Variants in RIT2 observed in about 807,000 individuals in gnomAD.
RIT2 encodes the protein Ras like without CAAX 2, also known as GTP-binding protein Rit2.
Under a neutral mutation model 23.7 loss-of-function variants are expected in RIT2, and 24 were observed. The ratio of observed to expected loss-of-function variants is 1.01; its 90% CI spans 0.73 to 1.43. RIT2 has a LOEUF of 1.43. RIT2 is among the 40% of genes most tolerant of loss of function. The pLI is 0.00. For synonymous variants in RIT2, 107 were observed against 91.1 expected (o/e 1.17, Z -0.99); for missense variants, 236 against 266.9 (o/e 0.88, Z 0.81).
At chr18:42,798,927 G>C (rs1481378143) in intron 4 of RIT2, among the ~76,000 whole-genome samples, 1 of 152,172 alleles carries the variant, frequency 6.6e-6, no homozygotes, top group African/African-American at 2.4e-5. Flanking sequence ...AATCATTCTG[G>C]AGGTTTTTCA....
chr18:42,980,519 T>A (rs1479299864), intron 2 of RIT2, among the ~76,000 whole-genome samples: 2 of 152,240 alleles, frequency 1.3e-5, no homozygotes, highest in East Asian at 1.9e-4. Context: ...CCAATCAGTA[T>A]CTCTCTGATA....
intron 1 of RIT2, among the ~76,000 whole-genome samples, chr18:43,112,983 C>T (rs1279286924): frequency 6.6e-6 from 1 of 152,064 alleles, no homozygotes. Context: ...CCTTCATATA[C>T]CTCTGTTGAT....
At chr18:42,809,826 T>C (rs986220680) in intron 4 of RIT2, among the ~76,000 whole-genome samples, 13 of 132,980 alleles carry the variant, frequency 9.8e-5, no homozygotes, top group South Asian at 8.9e-4. Flanking sequence ...ATATATATAA[T>C]ATATATATAA....
intron 2 of RIT2, among the ~76,000 whole-genome samples, chr18:43,018,360 C>CT (rs71175932): frequency 9.3e-5 from 14 of 150,002 alleles, no homozygotes; most frequent in African/African-American, 3.4e-4. Context: ...TCTGTTTCTG[C>CT]TTTTTTTTTT....
chr18:42,764,989 T>C (rs1913387512), intron 4 of RIT2, among the ~76,000 whole-genome samples: 1 of 152,230 alleles, frequency 6.6e-6, no homozygotes, highest in Non-Finnish European at 1.5e-5. Context: ...CCTTCATGTT[T>C]AGGCACTCAG....
chr18:43,034,199 C>T (rs979461263), intron 1 of RIT2, among the ~76,000 whole-genome samples: 4 of 152,092 alleles, frequency 2.6e-5, no homozygotes, highest in African/African-American at 4.8e-5. Context: ...TCTGGTTGAA[C>T]AGTTGGTAAT....
chr18:42,854,497 TCCA>T (rs1907133394), intron 4 of RIT2, among the ~76,000 whole-genome samples: 1 of 152,132 alleles, frequency 6.6e-6, no homozygotes, highest in Admixed American at 6.5e-5. Context: ...TAAGCCTCCT[TCCA>T]TACCCAGAAT....
intron 1 of RIT2, among the ~76,000 whole-genome samples, chr18:43,047,626 T>C (rs1912279156): frequency 6.6e-6 from 1 of 151,978 alleles, no homozygotes; most frequent in African/African-American, 2.4e-5. Context: ...ATTATATTTA[T>C]AAACTAACAT....
At chr18:42,814,364 G>A (rs950163013) in intron 4 of RIT2, among the ~76,000 whole-genome samples, 4 of 152,100 alleles carry the variant, frequency 2.6e-5, no homozygotes, top group Middle Eastern at 6.3e-3. Context: ...AAACAGACTC[G>A]GTGCTATTGG....
chr18:43,052,964 C>A (rs981133565), intron 1 of RIT2, among the ~76,000 whole-genome samples: 1 of 151,748 alleles, frequency 6.6e-6, no homozygotes, highest in Non-Finnish European at 1.5e-5. Context: ...CTATTTCATG[C>A]GGATAATTAA....
At chr18:43,079,099 T>C (rs1913094582) in intron 1 of RIT2, among the ~76,000 whole-genome samples, 2 of 152,248 alleles carry the variant, frequency 1.3e-5, no homozygotes, top group African/African-American at 4.8e-5. Flanking sequence ...AATTGCTCTA[T>C]AAATATTGTT....
At position 42,754,767 on chromosome 18, in the gene RIT2, T is replaced by C. The variant is rs571137074; in HGVS notation, c.427-11047A>G. Among the ~76,000 whole-genome samples the C allele has an allele frequency of 2.0e-5, 3 of 152,286 alleles. No individual in the cohort carries two copies. The East Asian group carries it at 5.8e-4, about 29-fold the overall frequency. On this transcript the variant is annotated intron_variant, in intron 4 of 4. Transcript: ENST00000326695. The stretch of plus-strand genomic sequence containing the variant: ...GCAGGTGCTCATTAAATATTTAATT[T>C]GGATGATGATGAAAATGACACCAAA...
intron 4 of RIT2, among the ~76,000 whole-genome samples, chr18:42,839,158 A>T (rs1486532681): frequency 6.6e-6 from 1 of 152,194 alleles, no homozygotes; most frequent in African/African-American, 2.4e-5. Context: ...ACAAAAATCA[A>T]GAGAGGGAGA....
chr18:42,796,853 T>TG (rs1905379948), intron 4 of RIT2, among the ~76,000 whole-genome samples: 1 of 152,214 alleles, frequency 6.6e-6, no homozygotes, highest in Non-Finnish European at 1.5e-5. Context: ...AAATATTACT[T>TG]AATACCTAAC....
intron 3 of RIT2, among the ~76,000 whole-genome samples, chr18:42,929,738 G>A (rs1418672382): frequency 1.1e-4 from 17 of 152,142 alleles, no homozygotes; most frequent in Admixed American, 6.5e-4. Context: ...TTCTGGGCTT[G>A]GGACCCTGGG....
chr18:42,964,241 C>T (rs565461889), intron 3 of RIT2, among the ~76,000 whole-genome samples: 31 of 151,540 alleles, frequency 2.0e-4, no homozygotes, highest in Non-Finnish European at 1.8e-4. Flanking sequence ...ATCAATCAAT[C>T]AATCAATCTT....
chr18:42,823,956 A>G (rs1906225071), intron 4 of RIT2, among the ~76,000 whole-genome samples: 1 of 152,114 alleles, frequency 6.6e-6, no homozygotes, highest in South Asian at 2.1e-4. Context: ...AACACTCTTT[A>G]CATGTACAGC....
At chr18:42,766,007 C>T (rs1913413471) in intron 4 of RIT2, among the ~76,000 whole-genome samples, 1 of 152,146 alleles carries the variant, frequency 6.6e-6, no homozygotes, top group African/African-American at 2.4e-5. Flanking sequence ...TGAATCCTCC[C>T]CAGCCATGTG....
chr18:42,988,892 C>T (rs757197785), intron 2 of RIT2, among the ~76,000 whole-genome samples: 6 of 152,088 alleles, frequency 3.9e-5, no homozygotes, highest in Non-Finnish European at 5.9e-5. Context: ...GAAAGGACCA[C>T]GGGTTAGGGC....
Sources: gnomAD v4.1 joint callset for allele counts (sites outside exome capture counted in the v4.1 genomes callset) on GRCh38, gnomAD v4.1.1 for gene constraint, MANE v1.5 for transcripts, NCBI Gene and HGNC (gene_info 2026-07-23, HGNC 2026-07-21) for gene names.